Variants in ABCC5 observed in about 807,000 individuals in gnomAD.
ABCC5 encodes ATP binding cassette subfamily C member 5, also known as ATP-binding cassette sub-family C member 5.
A neutral mutation model predicts 160.9 loss-of-function variants in ABCC5; 61 were observed. The observed-to-expected ratio is 0.38, with a 90% CI of 0.31 to 0.47. The LOEUF (loss-of-function observed/expected upper bound fraction) is 0.47. ABCC5 is among the 20% of genes least tolerant of loss of function. The probability of loss-of-function intolerance (pLI) is 0.99; values close to 1 mark genes in which losing one functional copy is unlikely to be tolerated. For missense variants in ABCC5, 1,308 were observed against 1,813.3 expected, an observed-to-expected ratio of 0.72 and a Z score of 5.06; for synonymous variants, 666 against 700.6, an observed-to-expected ratio of 0.95 and a Z score of 0.78.
intron 29 of ABCC5, among the ~76,000 whole-genome samples, chr3:183,925,214 T>A (rs558258465): frequency 6.6e-6 from 1 of 152,336 alleles, no homozygotes; most frequent in Admixed American, 6.5e-5. Flanking sequence ...TGTATGTGAA[T>A]GAATCACAAG....
In ABCC5 at chr3:183,922,058, TAAATAAATAAATAAATAAATA is replaced by T. The variant is rs926987933; in HGVS notation, c.4213-678_4213-658del. On this transcript the variant is annotated intron_variant, in intron 29 of 29. Coordinates refer to ENST00000334444, the MANE Select transcript of ABCC5 (RefSeq NM_005688.4). Reference sequence around the variant, plus strand: ...AATAATAAATAAATAAATAAATAAATAAATAAATAAATAAATAAATAAAAAACAACAGGCTGGGTGCGGTGG... The same window carrying T: ...AATAATAAATAAATAAATAAATAAATAAAAACAACAGGCTGGGTGCGGTGG... 6.9e-5 allele frequency among the ~76,000 whole-genome samples: 10 copies of T among 145,804 alleles called. No homozygotes were observed. In the Admixed American group the frequency reaches 8.2e-4, roughly 12 times the overall value.
chr3:183,989,592 C>CTTTTT (rs10670556), intron 2 of ABCC5, among the ~76,000 whole-genome samples: 3 of 145,546 alleles, frequency 2.1e-5, no homozygotes, highest in African/African-American at 7.6e-5. Context: ...AAACAGTTTT[C>CTTTTT]TTTTTTTTTT....
chr3:183,983,056 C>A, intron 5 of ABCC5, 49 bp from the exon 6 acceptor site: 1 of 1,480,220 alleles, frequency 6.8e-7, no homozygotes. Flanking sequence ...GGCACTCACA[C>A]ACAATGCCAT....
intron 12 of ABCC5, chr3:183,967,465 A>G: frequency 2.0e-6 from 1 of 505,748 alleles, no homozygotes; most frequent in Admixed American, 3.2e-5. Flanking sequence ...AAATGGTTCC[A>G]GCTGGGACAA....
At chr3:184,013,849 A>C (rs1328014563) in intron 2 of ABCC5, among the ~76,000 whole-genome samples, 4 of 152,134 alleles carry the variant, frequency 2.6e-5, no homozygotes, top group Non-Finnish European at 5.9e-5. Flanking sequence ...ATAAATTCTT[A>C]ACAGTAACCT....
intron 17 of ABCC5, among the ~76,000 whole-genome samples, 177 bp from the exon 18 acceptor site, chr3:183,953,447 A>C (rs1188373790): frequency 1.3e-5 from 2 of 152,090 alleles, no homozygotes; most frequent in Non-Finnish European, 2.9e-5. Context: ...ACCTACCACA[A>C]ACCAGACCCA....
chr3:183,972,426 A>C (rs764897419), intron 10 of ABCC5, among the ~76,000 whole-genome samples: 1 of 152,232 alleles, frequency 6.6e-6, no homozygotes, highest in Non-Finnish European at 1.5e-5. Context: ...TGCTACCGTC[A>C]GAAAAGAGTA....
At chr3:183,983,667 G>A in intron 5 of ABCC5, 2 of 900,986 alleles carry the variant, frequency 2.2e-6, no homozygotes, top group Non-Finnish European at 2.7e-6. Flanking sequence ...AAGAACCACC[G>A]AGTGCCACCT....
At chr3:183,965,138 G>A in intron 14 of ABCC5, 47 bp downstream of exon 14, 1 of 1,597,860 alleles carries the variant, frequency 6.3e-7, no homozygotes, top group South Asian at 1.1e-5. Flanking sequence ...CTCTGGCCCA[G>A]CTCTGCCACT....
intron 22 of ABCC5, 134 bp from the exon 23 acceptor site, chr3:183,947,644 A>G: frequency 1.4e-6 from 1 of 725,872 alleles, no homozygotes; most frequent in African/African-American, 1.8e-5. Context: ...AATGCCCTGG[A>G]AACTCCAGGA....
intron 5 of ABCC5, chr3:183,984,301 A>G (rs3749440): frequency 0.38 from 375,867 of 985,308 alleles, 72,546 homozygotes; most frequent in African/African-American, 0.55. Context: ...AAAACAAAAA[A>G]CCACAACAAA....
chr3:183,973,049 C>CT (rs11289102), intron 10 of ABCC5, among the ~76,000 whole-genome samples: 44,122 of 108,506 alleles, frequency 0.41, 10,555 homozygotes, highest in African/African-American at 0.56. Context: ...TTTGAATCCA[C>CT]TTTTTTTTTT....
intron 2 of ABCC5, among the ~76,000 whole-genome samples, chr3:183,991,702 G>A (rs998225211): frequency 6.6e-5 from 10 of 152,166 alleles, no homozygotes; most frequent in Admixed American, 2.0e-4. Context: ...CAACAAGAAC[G>A]AACTCGCTCT....
intron 16 of ABCC5, among the ~76,000 whole-genome samples, chr3:183,960,554 C>G (rs1401999): frequency 0.63 from 95,754 of 152,050 alleles, 31,128 homozygotes; most frequent in East Asian, 0.86. Flanking sequence ...GTGATGTGGT[C>G]TTGTAAGCCA....
chr3:184,004,239 A>G (rs1440224025), intron 2 of ABCC5, among the ~76,000 whole-genome samples: 12 of 143,776 alleles, frequency 8.3e-5, no homozygotes, highest in Admixed American at 7.7e-4. Flanking sequence ...GGCCAGGTAC[A>G]GTGGCTCACA....
intron 2 of ABCC5, among the ~76,000 whole-genome samples, chr3:183,992,683 G>A (rs922780130): frequency 1.4e-4 from 21 of 152,144 alleles, no homozygotes; most frequent in African/African-American, 5.1e-4. Flanking sequence ...CAGCTACTCG[G>A]GAGGCTGAAG....
chr3:184,007,880 A>G (rs1721366423), intron 2 of ABCC5, among the ~76,000 whole-genome samples: 1 of 152,172 alleles, frequency 6.6e-6, no homozygotes, highest in Non-Finnish European at 1.5e-5. Context: ...AAATTCACTG[A>G]GGTATTGCAC....
intron 15 of ABCC5, among the ~76,000 whole-genome samples, chr3:183,962,618 A>G (rs1716873946): frequency 6.9e-6 from 1 of 145,222 alleles, no homozygotes; most frequent in Admixed American, 7.1e-5. Context: ...TTTAACCTCC[A>G]CCTCCTGGGT....
At chr3:184,004,732 G>C (rs1721039856) in intron 2 of ABCC5, among the ~76,000 whole-genome samples, 1 of 152,052 alleles carries the variant, frequency 6.6e-6, no homozygotes, top group African/African-American at 2.4e-5. Context: ...CAACATTTAA[G>C]AAAACTAAGT....
Sources: allele counts gnomAD v4.1 joint callset (sites outside exome capture counted in the v4.1 genomes callset), GRCh38; gene constraint gnomAD v4.1.1; transcripts MANE v1.5; gene names NCBI Gene and HGNC (gene_info 2026-07-23, HGNC 2026-07-21).